Variants in HYDIN observed in about 807,000 individuals in gnomAD.
The protein encoded by HYDIN is HYDIN axonemal central pair apparatus protein.
A neutral mutation model predicts 403.9 loss-of-function variants in HYDIN; 132 were observed. The observed-to-expected ratio is 0.33, with a 90% CI of 0.28 to 0.38. The LOEUF is 0.38. HYDIN is among the 10% of genes least tolerant of loss of function. The pLI, the probability that HYDIN is intolerant of heterozygous loss-of-function variation, is 1.00. For synonymous variants in HYDIN, 1,202 were observed against 1,891.7 expected (o/e 0.64, Z 9.46); for missense variants, 2,827 against 5,009.5 (o/e 0.56, Z 13.15).
intron 1 of HYDIN, among the ~76,000 whole-genome samples, chr16:71,217,365 GAATT>G (rs933380376): frequency 2.6e-5 from 4 of 152,138 alleles, no homozygotes; most frequent in Non-Finnish European, 5.9e-5. Flanking sequence ...AAAATCATCT[GAATT>G]AAGTAGAGAT....
chr16:71,139,643 A>G (rs2085090919), intron 7 of HYDIN, among the ~76,000 whole-genome samples: 1 of 151,936 alleles, frequency 6.6e-6, no homozygotes, highest in South Asian at 2.1e-4. Flanking sequence ...TAATTTTATT[A>G]TTTTTCATGA....
Position 70,818,362 on chromosome 16 carries a change from C to T in HYDIN, c.14638G>A (p.Val4880Met), listed in dbSNP as rs753130377. The change falls in exon 84 of 86, where the codon GTG becomes ATG. Residue 4880 changes from valine (V) to methionine (M), a missense_variant. Coordinates refer to ENST00000393567, the MANE Select transcript of HYDIN (RefSeq NM_001270974.2). ...MPDIALPSQF[V>M]VPANSEGTFS... ...CGTACCTCGGAGTTGGCAGGCACCA[C>T]AAACTGGGAGGGCAGGGCGATGTCG... 7 of 1,613,516 alleles carry T rather than the reference C, an allele frequency of 4.3e-6. No homozygotes were observed. The South Asian group carries it at 6.6e-5, about 15-fold the overall frequency.
intron 1 of HYDIN, among the ~76,000 whole-genome samples, chr16:71,212,506 T>C (rs1448547586): frequency 2.0e-5 from 3 of 152,088 alleles, no homozygotes; most frequent in Admixed American, 2.0e-4. Flanking sequence ...GTATAGAAGA[T>C]TTGAAAAGGA....
At chr16:70,875,648 G>A (rs950642535) in intron 62 of HYDIN, among the ~76,000 whole-genome samples, 9 of 152,142 alleles carry the variant, frequency 5.9e-5, no homozygotes, top group Non-Finnish European at 8.8e-5. Context: ...ACTTTAATAA[G>A]AAACTATATG....
At chr16:71,194,930 G>A (rs2087615635) in intron 1 of HYDIN, among the ~76,000 whole-genome samples, 2 of 152,292 alleles carry the variant, frequency 1.3e-5, no homozygotes, top group South Asian at 4.1e-4. Context: ...CATGATGACT[G>A]GCTACCTCCA....
At chr16:70,942,997 G>C (rs547117099) in intron 42 of HYDIN, among the ~76,000 whole-genome samples, 92 of 152,194 alleles carry the variant, frequency 6.0e-4, no homozygotes, top group Middle Eastern at 6.8e-3. Flanking sequence ...AAACTTTCTT[G>C]TGATGATATT....
In HYDIN at chr16:70,834,183, A is replaced by C; in HGVS notation, c.13402-19T>G. 5 of 1,612,870 alleles carry C rather than the reference A, an allele frequency of 3.1e-6. No homozygotes were observed. The highest frequency in any genetic ancestry group is 4.2e-6 in the Non-Finnish European group (5 of 1,179,624). ...TAAGGACCTGAATGAAATAGCACCC[A>C]GAGTCAGCAGCTGAGGGTGGGAGGC... On this transcript the variant is annotated intron_variant, in intron 78 of 85. Transcript: ENST00000393567.
intron 71 of HYDIN, 112 bp downstream of exon 71, chr16:70,859,956 A>T: frequency 1.1e-6 from 1 of 882,790 alleles, no homozygotes; most frequent in Non-Finnish European, 1.8e-6. Context: ...TTGATGCACT[A>T]CACCCTCAGG....
chr16:71,149,843 C>T (rs1289165338), intron 7 of HYDIN, among the ~76,000 whole-genome samples: 1 of 151,398 alleles, frequency 6.6e-6, no homozygotes, highest in Non-Finnish European at 1.5e-5. Flanking sequence ...AATATTTTTA[C>T]AAATACTTTT....
intron 41 of HYDIN, among the ~76,000 whole-genome samples, chr16:70,950,048 A>G (rs1267364370): frequency 3.4e-5 from 5 of 147,500 alleles, no homozygotes; most frequent in Non-Finnish European, 7.5e-5. Flanking sequence ...AAATGAATCA[A>G]TGGTTTCTGT....
At chr16:71,174,101 A>C (rs2144635365) in intron 5 of HYDIN, among the ~76,000 whole-genome samples, 1 of 152,364 alleles carries the variant, frequency 6.6e-6, no homozygotes, top group African/African-American at 2.4e-5. Context: ...CTACATCTGC[A>C]GTTATTTATC....
At chr16:71,103,852 AGATGTCAT>A (rs2083529870) in intron 10 of HYDIN, among the ~76,000 whole-genome samples, 1 of 152,182 alleles carries the variant, frequency 6.6e-6, no homozygotes, top group Non-Finnish European at 1.5e-5. Flanking sequence ...AATGGCATTA[AGATGTCAT>A]TAAGATATTA....
intron 58 of HYDIN, among the ~76,000 whole-genome samples, chr16:70,884,819 A>G (rs2041032662): frequency 6.6e-6 from 1 of 152,218 alleles, no homozygotes; most frequent in Non-Finnish European, 1.5e-5. Flanking sequence ...TGTGCTGACA[A>G]TGCAGTGGCC....
At chr16:70,906,814 T>C (rs1487663445) in intron 50 of HYDIN, among the ~76,000 whole-genome samples, 3 of 152,216 alleles carry the variant, frequency 2.0e-5, no homozygotes, top group Admixed American at 1.3e-4. Flanking sequence ...CTCTCCTCAG[T>C]ATTCAGTGTA....
intron 64 of HYDIN, among the ~76,000 whole-genome samples, chr16:70,872,881 C>T (rs2040225590): frequency 6.7e-6 from 1 of 150,334 alleles, no homozygotes; most frequent in Non-Finnish European, 1.5e-5. Flanking sequence ...TCCACCCATC[C>T]ATCCATTAAT....
chr16:71,181,229 A>G (rs1447341213), intron 3 of HYDIN, among the ~76,000 whole-genome samples: 1 of 151,290 alleles, frequency 6.6e-6, no homozygotes, highest in African/African-American at 2.4e-5. Flanking sequence ...TTTTTTTTGA[A>G]ACAAAAAAGC....
chr16:70,921,451 A>G (rs2076993396), intron 45 of HYDIN, among the ~76,000 whole-genome samples: 1 of 152,118 alleles, frequency 6.6e-6, no homozygotes, highest in Admixed American at 6.6e-5. Context: ...GGCATTGTGC[A>G]TTTTGGAAAA....
intron 1 of HYDIN, among the ~76,000 whole-genome samples, chr16:71,187,649 A>AAAACAAAC (rs528485377): frequency 8.5e-5 from 13 of 152,156 alleles, no homozygotes; most frequent in Middle Eastern, 3.4e-3. Context: ...AAAACCATTA[A>AAAACAAAC]AAACAAACAA....
chr16:71,189,724 G>A (rs769786465), intron 1 of HYDIN, among the ~76,000 whole-genome samples: 3 of 144,464 alleles, frequency 2.1e-5, no homozygotes, highest in East Asian at 2.1e-4. Context: ...CCGTGATGGC[G>A]CCACTACACT....
Sources: gnomAD v4.1 joint callset for allele counts (sites outside exome capture counted in the v4.1 genomes callset) on GRCh38, gnomAD v4.1.1 for gene constraint, MANE v1.5 for transcripts, NCBI Gene and HGNC (gene_info 2026-07-23, HGNC 2026-07-21) for gene names.